OXR1: variants seen among roughly 807,000 people sequenced by gnomAD.
OXR1 encodes oxidation resistance protein 1.
Under a neutral mutation model 104.6 loss-of-function variants are expected in OXR1, and 41 were observed. The observed-to-expected ratio is 0.39, with a 90% CI of 0.31 to 0.51. The LOEUF (loss-of-function observed/expected upper bound fraction) is 0.51. OXR1 is among the 20% of genes least tolerant of loss of function. The pLI is 0.77. For synonymous variants in OXR1, 348 were observed against 348.4 expected (o/e 1.00, Z 0.01); for missense variants, 955 against 1,031.9 (o/e 0.93, Z 1.02).
chr8:106,724,906 T>C (rs980881194), intron 11 of OXR1, among the ~76,000 whole-genome samples: 4 of 152,182 alleles, frequency 2.6e-5, no homozygotes, highest in African/African-American at 9.7e-5. Flanking sequence ...GGAACACACG[T>C]CATATTTGTT....
At chr8:106,302,469 C>G (rs1813279218) in intron 1 of OXR1, among the ~76,000 whole-genome samples, 1 of 151,476 alleles carries the variant, frequency 6.6e-6, no homozygotes, top group African/African-American at 2.4e-5. Flanking sequence ...ACCTGTAGTC[C>G]CAGCTACTCG....
chr8:106,409,446 C>CA (rs1818372866), intron 2 of OXR1, among the ~76,000 whole-genome samples: 3 of 151,550 alleles, frequency 2.0e-5, no homozygotes, highest in African/African-American at 7.3e-5. Flanking sequence ...AAGAAGCAAA[C>CA]AAAAAACAGG....
chr8:106,695,884 A>T (rs943006576), intron 7 of OXR1, among the ~76,000 whole-genome samples: 2 of 152,046 alleles, frequency 1.3e-5, no homozygotes, highest in African/African-American at 4.8e-5. Flanking sequence ...CAGAAATTAG[A>T]ATTCATATTT....
intron 2 of OXR1, among the ~76,000 whole-genome samples, chr8:106,482,538 T>C (rs1176711930): frequency 6.6e-6 from 1 of 152,070 alleles, no homozygotes. Context: ...AAAAAATACC[T>C]ACTACTCAAG....
At chr8:106,289,214 G>A (rs1461181579) in intron 1 of OXR1, among the ~76,000 whole-genome samples, 1 of 152,058 alleles carries the variant, frequency 6.6e-6, no homozygotes, top group Non-Finnish European at 1.5e-5. Context: ...CATCCAAATA[G>A]GAAAATAAGT....
rs149151799 is a variant in OXR1, at chr8:106,688,885, T to C, written c.526-3843T>C. Among the ~76,000 whole-genome samples the C allele has an allele frequency of 1.2e-4, 18 of 152,248 alleles. No individual in the cohort carries two copies. The East Asian group carries it at 3.1e-3, about 26-fold the overall frequency. ...GATGACTACTAGCAAGTGCAGGTAC[T>C]CTATAACTGAGACATATGATCTAAA... is the stretch of plus-strand genomic sequence containing the variant. On this transcript the variant is annotated intron_variant, in intron 6 of 16. Transcript: ENST00000517566.
intron 11 of OXR1, among the ~76,000 whole-genome samples, chr8:106,721,832 C>G (rs1033860553): frequency 4.6e-5 from 7 of 152,104 alleles, no homozygotes; most frequent in Non-Finnish European, 1.0e-4. Flanking sequence ...AAATATGTAA[C>G]CCGTTCTTAG....
intron 1 of OXR1, among the ~76,000 whole-genome samples, chr8:106,301,083 G>A (rs1406620368): frequency 2.6e-5 from 4 of 152,104 alleles, no homozygotes; most frequent in East Asian, 1.9e-4. Flanking sequence ...TAAAAGATGC[G>A]GCTATAAACC....
chr8:106,523,538 A>G (rs1030302201), intron 3 of OXR1, among the ~76,000 whole-genome samples: 1 of 152,216 alleles, frequency 6.6e-6, no homozygotes, highest in African/African-American at 2.4e-5. Flanking sequence ...ATGAAATAGA[A>G]TACAATATTC....
At chr8:106,366,726 A>AAT (rs1816484030) in intron 2 of OXR1, among the ~76,000 whole-genome samples, 1 of 152,302 alleles carries the variant, frequency 6.6e-6, no homozygotes, top group East Asian at 1.9e-4. Flanking sequence ...TGACTGTTCC[A>AAT]TTACGGTACT....
intron 2 of OXR1, among the ~76,000 whole-genome samples, chr8:106,375,702 A>G (rs1396397813): frequency 6.6e-6 from 1 of 152,232 alleles, no homozygotes; most frequent in Non-Finnish European, 1.5e-5. Flanking sequence ...TAGTGCTTTC[A>G]GTCTGACTCC....
At chr8:106,564,021 C>T (rs1443198261) in intron 3 of OXR1, among the ~76,000 whole-genome samples, 2 of 151,896 alleles carry the variant, frequency 1.3e-5, no homozygotes, top group East Asian at 1.9e-4. Flanking sequence ...TACTACATGC[C>T]CACAGGAGAA....
chr8:106,538,850 A>G (rs2130308115), intron 3 of OXR1, among the ~76,000 whole-genome samples: 1 of 152,308 alleles, frequency 6.6e-6, no homozygotes, highest in South Asian at 2.1e-4. Flanking sequence ...AAAAGGAAAA[A>G]GTATGGAACT....
chr8:106,535,807 C>A (rs896023882), intron 3 of OXR1, among the ~76,000 whole-genome samples: 2 of 152,152 alleles, frequency 1.3e-5, no homozygotes, highest in Non-Finnish European at 2.9e-5. Context: ...CCCAGGCTTT[C>A]TATAAATTTC....
intron 11 of OXR1, among the ~76,000 whole-genome samples, chr8:106,717,113 G>C (rs1832341433): frequency 6.6e-6 from 1 of 152,152 alleles, no homozygotes; most frequent in East Asian, 1.9e-4. Context: ...TTGAACCTGG[G>C]AGGCGGAGAT....
intron 3 of OXR1, among the ~76,000 whole-genome samples, chr8:106,664,257 A>G (rs1451714159): frequency 6.6e-6 from 1 of 152,222 alleles, no homozygotes; most frequent in Admixed American, 6.5e-5. Flanking sequence ...AAATAAGCTG[A>G]TGATTCTCAA....
At chr8:106,663,149 G>T (rs1234313860) in intron 3 of OXR1, among the ~76,000 whole-genome samples, 1 of 152,154 alleles carries the variant, frequency 6.6e-6, no homozygotes, top group Non-Finnish European at 1.5e-5. Context: ...TAGCTGTAAT[G>T]GGGCAGGCTC....
Position 106,309,535 on chromosome 8 carries a change from C to G in OXR1, c.-139+39168C>G, listed in dbSNP as rs184774540. On this transcript the variant is annotated intron_variant, in intron 1 of 16. Transcript: ENST00000517566. Reference sequence around the variant, plus strand: ...TTAGCTTTCATATGAGTATTTGAAACTATATATGGATCTCTATTAATATAA... The same window carrying G: ...TTAGCTTTCATATGAGTATTTGAAAGTATATATGGATCTCTATTAATATAA... 5.9e-5 allele frequency among the ~76,000 whole-genome samples: 9 copies of G among 152,008 alleles called. 2 individuals carry two copies. The highest frequency in any genetic ancestry group is 2.2e-4 in the African/African-American group (9 of 41,474).
intron 2 of OXR1, among the ~76,000 whole-genome samples, chr8:106,422,242 T>C (rs530250977): frequency 2.0e-5 from 3 of 152,264 alleles, no homozygotes; most frequent in African/African-American, 7.2e-5. Context: ...TAAAATTCTG[T>C]AAGTCAGCTA....
Sources: gnomAD v4.1 joint callset for allele counts (sites outside exome capture counted in the v4.1 genomes callset) on GRCh38, gnomAD v4.1.1 for gene constraint, MANE v1.5 for transcripts, NCBI Gene and HGNC (gene_info 2026-07-23, HGNC 2026-07-21) for gene names.